Variants in CCBE1 observed in about 807,000 individuals in gnomAD.
The protein encoded by CCBE1 is collagen and calcium binding EGF domains 1.
CCBE1 carries 37 observed loss-of-function variants against 50.0 expected under a neutral mutation model. The ratio of observed to expected loss-of-function variants is 0.74; its 90% confidence interval spans 0.57 to 0.97. The LOEUF (loss-of-function observed/expected upper bound fraction) is 0.97. Among genes scored for constraint, CCBE1 ranks in the 50% least tolerant of loss-of-function variants. The pLI, the probability that CCBE1 is intolerant of heterozygous loss-of-function variation, is 0.00. For missense variants in CCBE1, 538 were observed against 523.8 expected (o/e 1.03, Z -0.26); for synonymous variants, 234 against 203.7 (o/e 1.15, Z -1.27).
chr18:59,560,810 A>C (rs1477541577), intron 2 of CCBE1, among the ~76,000 whole-genome samples: 1 of 151,828 alleles, frequency 6.6e-6, no homozygotes, highest in African/African-American at 2.4e-5. Flanking sequence ...ATGGATAACG[A>C]CTCCCCGGAC....
intron 2 of CCBE1, among the ~76,000 whole-genome samples, chr18:59,606,239 CCA>C (rs1158825970): frequency 6.6e-6 from 1 of 152,128 alleles, no homozygotes; most frequent in Non-Finnish European, 1.5e-5. Context: ...ATTAGAACTC[CCA>C]CAGATTGGTT....
At chr18:59,659,083 G>A (rs8098642) in intron 2 of CCBE1, among the ~76,000 whole-genome samples, 9,672 of 152,064 alleles carry the variant, frequency 0.064, 564 homozygotes, top group African/African-American at 0.16. Context: ...TGCATGCCAC[G>A]CGTTCCTTTG....
At chr18:59,576,304 G>A (rs1388165270) in intron 2 of CCBE1, among the ~76,000 whole-genome samples, 1 of 152,188 alleles carries the variant, frequency 6.6e-6, no homozygotes, top group Non-Finnish European at 1.5e-5. Flanking sequence ...GAGCTGCCAG[G>A]TCACTTGATG....
intron 2 of CCBE1, among the ~76,000 whole-genome samples, chr18:59,645,353 C>T (rs1300523121): frequency 1.3e-5 from 2 of 152,230 alleles, no homozygotes; most frequent in Non-Finnish European, 2.9e-5. Flanking sequence ...ACATTGGATA[C>T]ATTCAGTGTG....
At chr18:59,566,437 C>T (rs1017203705) in intron 2 of CCBE1, among the ~76,000 whole-genome samples, 15 of 150,418 alleles carry the variant, frequency 1.0e-4, no homozygotes, top group African/African-American at 3.0e-4. Flanking sequence ...AAAATGGAAG[C>T]AAAAATAAAA....
chr18:59,616,289 A>G (rs1033444575), intron 2 of CCBE1, among the ~76,000 whole-genome samples: 6 of 152,218 alleles, frequency 3.9e-5, no homozygotes, highest in Non-Finnish European at 7.3e-5. Context: ...ATGGAAAAAG[A>G]AAACAAAGAG....
intron 2 of CCBE1, among the ~76,000 whole-genome samples, chr18:59,512,467 C>T (rs1224496475): frequency 6.6e-6 from 1 of 152,252 alleles, no homozygotes; most frequent in Non-Finnish European, 1.5e-5. Flanking sequence ...CAAGGGGGTA[C>T]AAGGGAACCT....
chr18:59,629,404 A>G (rs921060372), intron 2 of CCBE1, among the ~76,000 whole-genome samples: 52 of 152,116 alleles, frequency 3.4e-4, no homozygotes, highest in Admixed American at 1.5e-3. Flanking sequence ...CTTCATTTTC[A>G]TCATTTCATC....
At chr18:59,486,699 A>G (rs1372214477) in intron 2 of CCBE1, among the ~76,000 whole-genome samples, 2 of 152,182 alleles carry the variant, frequency 1.3e-5, no homozygotes, top group East Asian at 1.9e-4. Context: ...GCTATTAAGG[A>G]AAGTGGAGAC....
intron 2 of CCBE1, among the ~76,000 whole-genome samples, chr18:59,505,712 T>G (rs1913840079): frequency 6.6e-6 from 1 of 152,192 alleles, no homozygotes; most frequent in African/African-American, 2.4e-5. Context: ...AAATTTAGGC[T>G]AAAGAGCTTC....
chr18:59,631,657 C>T (rs960461575), intron 2 of CCBE1, among the ~76,000 whole-genome samples: 1 of 152,200 alleles, frequency 6.6e-6, no homozygotes, highest in Non-Finnish European at 1.5e-5. Flanking sequence ...AGTCACTTTG[C>T]TGCAACTCAC....
At chr18:59,646,821 G>T (rs75131233) in intron 2 of CCBE1, among the ~76,000 whole-genome samples, 4,172 of 152,296 alleles carry the variant, frequency 0.027, 188 homozygotes, top group African/African-American at 0.096. Context: ...TTAACCATCA[G>T]CCAAACTGAA....
intron 3 of CCBE1, among the ~76,000 whole-genome samples, chr18:59,473,830 C>T (rs1156626407): frequency 1.3e-4 from 19 of 142,848 alleles, no homozygotes; most frequent in Non-Finnish European, 2.3e-4. Context: ...CTACTACTCA[C>T]CTTCCAACCC....
chr18:59,533,868 C>A (rs543330555), intron 2 of CCBE1, among the ~76,000 whole-genome samples: 1 of 152,278 alleles, frequency 6.6e-6, no homozygotes, highest in African/African-American at 2.4e-5. Context: ...CATATGTATA[C>A]AATATGCGTG....
At chr18:59,459,329 C>T (rs1000626321) in intron 5 of CCBE1, among the ~76,000 whole-genome samples, 8 of 152,176 alleles carry the variant, frequency 5.3e-5, no homozygotes, top group African/African-American at 1.4e-4. Flanking sequence ...GGTTCACATC[C>T]ACCTTGTAAT....
chr18:59,494,502 G>A (rs1913255223), intron 2 of CCBE1, among the ~76,000 whole-genome samples: 1 of 144,798 alleles, frequency 6.9e-6, no homozygotes, highest in Non-Finnish European at 1.5e-5. Context: ...TAAGAGCATG[G>A]AGTTGAAAAA....
chr18:59,459,603 C>G (rs1025252497), intron 5 of CCBE1, among the ~76,000 whole-genome samples: 4 of 152,162 alleles, frequency 2.6e-5, no homozygotes, highest in Non-Finnish European at 5.9e-5. Flanking sequence ...GGACGTCTAT[C>G]CTAAGCATTA....
At chr18:59,568,662 C>T (rs2040297) in intron 2 of CCBE1, 47,383 of 152,080 alleles carry the variant, frequency 0.31, 8,030 homozygotes, top group East Asian at 0.58. Context: ...ACAGTGCACG[C>T]TGTAGGCGGC....
At chr18:59,579,475 T>C (rs547999956) in intron 2 of CCBE1, among the ~76,000 whole-genome samples, 6 of 152,178 alleles carry the variant, frequency 3.9e-5, no homozygotes, top group African/African-American at 9.6e-5. Flanking sequence ...CACCTAAGCA[T>C]TGGGCACTTA....
Sources: gnomAD v4.1 joint callset for allele counts (sites outside exome capture counted in the v4.1 genomes callset) on GRCh38, gnomAD v4.1.1 for gene constraint, MANE v1.5 for transcripts, NCBI Gene and HGNC (gene_info 2026-07-23, HGNC 2026-07-21) for gene names.